Variants in DRC11 observed in about 807,000 individuals in gnomAD.
DRC11 encodes the protein IQ and AAA domain-containing protein 1.
chr2:236,433,483 G>A, the DRC11 span, among the ~76,000 whole-genome samples: 3 of 152,014 alleles, frequency 2.0e-5, no homozygotes, highest in African/African-American at 4.8e-5. Context: ...TTATTCCTGG[G>A]CATTTGACCT....
At chr2:236,312,357 AT>A in the DRC11 span, among the ~76,000 whole-genome samples, 11 of 151,902 alleles carry the variant, frequency 7.2e-5, no homozygotes, top group Admixed American at 1.3e-4. Context: ...TTAAAAAAAA[AT>A]ATTGTATTCT....
At chr2:236,416,743 A>ATATATTTT in the DRC11 span, among the ~76,000 whole-genome samples, 1 of 56,424 alleles carries the variant, frequency 1.8e-5, no homozygotes, top group Non-Finnish European at 3.7e-5. Context: ...ATATATATAT[A>ATATATTTT]TATATATATA....
the DRC11 span, among the ~76,000 whole-genome samples, chr2:236,498,728 G>A: frequency 3.3e-5 from 5 of 152,132 alleles, no homozygotes; most frequent in African/African-American, 2.4e-5. Flanking sequence ...ATCCTTTGCC[G>A]GTTTCCCGAG....
At chr2:236,364,370 G>A in the DRC11 span, among the ~76,000 whole-genome samples, 2,008 of 150,056 alleles carry the variant, frequency 0.013, 49 homozygotes, top group African/African-American at 0.047. Flanking sequence ...TTGGGAAGAG[G>A]AATGTGGAGA....
the DRC11 span, among the ~76,000 whole-genome samples, chr2:236,421,017 T>C: frequency 2.0e-5 from 3 of 152,218 alleles, no homozygotes; most frequent in Non-Finnish European, 4.4e-5. Flanking sequence ...GAGATTCTGG[T>C]ATGTTGTGTC....
the DRC11 span, among the ~76,000 whole-genome samples, chr2:236,435,148 A>G: frequency 6.6e-6 from 1 of 152,238 alleles, no homozygotes; most frequent in African/African-American, 2.4e-5. Context: ...GGAGGCTGAC[A>G]GCAGGGTCAG....
the DRC11 span, among the ~76,000 whole-genome samples, chr2:236,325,792 G>A: frequency 6.6e-6 from 1 of 151,974 alleles, no homozygotes; most frequent in Non-Finnish European, 1.5e-5. The surrounding 1 kb of genome is among the most constrained non-coding windows in gnomAD (Gnocchi z 4.4). Context: ...TAGTAGAGAC[G>A]GGGTTTCACC....
the DRC11 span, among the ~76,000 whole-genome samples, chr2:236,308,018 T>C: frequency 6.6e-6 from 1 of 152,202 alleles, no homozygotes; most frequent in Admixed American, 6.5e-5. This position sits in a 1 kb window ranked among gnomAD's most constrained non-coding sequence, Gnocchi z 6.0. Context: ...GGCGTCCTCG[T>C]GTGCTTGCAG....
chr2:236,327,117 C>T, the DRC11 span, among the ~76,000 whole-genome samples: 11 of 152,174 alleles, frequency 7.2e-5, no homozygotes, highest in African/African-American at 2.7e-4. Context: ...ATAAGATCCT[C>T]TAAACTCAAA....
the DRC11 span, among the ~76,000 whole-genome samples, chr2:236,458,633 C>G: frequency 2.6e-5 from 4 of 152,198 alleles, no homozygotes; most frequent in South Asian, 8.3e-4. Context: ...TGCCCAGGTG[C>G]TCCCAGCCAG....
chr2:236,497,128 A>G, the DRC11 span: 1 of 1,514,398 alleles, frequency 6.6e-7, no homozygotes, highest in African/African-American at 1.4e-5. The surrounding 1 kb of genome is among the most constrained non-coding windows in gnomAD (Gnocchi z 5.1). Flanking sequence ...TATAACAAAA[A>G]AAAGCAACTA....
the DRC11 span, among the ~76,000 whole-genome samples, chr2:236,493,125 C>G: frequency 6.6e-6 from 1 of 152,272 alleles, no homozygotes; most frequent in South Asian, 2.1e-4. Context: ...GTGAAAGGCA[C>G]ATCTCATATG....
At chr2:236,389,798 C>G in the DRC11 span, among the ~76,000 whole-genome samples, 30 of 152,094 alleles carry the variant, frequency 2.0e-4, no homozygotes, top group Non-Finnish European at 4.1e-4. Flanking sequence ...GTGAATTTTT[C>G]TGTATTCTTT....
the DRC11 span, among the ~76,000 whole-genome samples, chr2:236,311,554 G>C: frequency 6.6e-6 from 1 of 152,326 alleles, no homozygotes; most frequent in Non-Finnish European, 1.5e-5. The surrounding 1 kb of genome is among the most constrained non-coding windows in gnomAD (Gnocchi z 6.9). Context: ...GGATCCTGGA[G>C]GTCTGCTGGT....
the DRC11 span, among the ~76,000 whole-genome samples, chr2:236,393,128 T>C: frequency 6.6e-6 from 1 of 152,170 alleles, no homozygotes; most frequent in Non-Finnish European, 1.5e-5. This position sits in a 1 kb window ranked among gnomAD's most constrained non-coding sequence, Gnocchi z 4.7. Flanking sequence ...ACTTGTCATT[T>C]GGGGAAGGAG....
At chr2:236,326,787 ATTTGTTGTG>A in the DRC11 span, among the ~76,000 whole-genome samples, 1 of 142,856 alleles carries the variant, frequency 7.0e-6, no homozygotes, top group Non-Finnish European at 1.5e-5. Flanking sequence ...TGATTTTCAG[ATTTGTTGTG>A]TGTGTGTGTG....
chr2:236,490,901 A>T, the DRC11 span, among the ~76,000 whole-genome samples: 1 of 146,370 alleles, frequency 6.8e-6, no homozygotes, highest in Non-Finnish European at 1.5e-5. This position sits in a 1 kb window ranked among gnomAD's most constrained non-coding sequence, Gnocchi z 5.5. Context: ...AGAAGAATAT[A>T]TTGTGTGTGT....
the DRC11 span, among the ~76,000 whole-genome samples, chr2:236,437,041 C>G: frequency 6.6e-6 from 1 of 150,704 alleles, no homozygotes; most frequent in Admixed American, 6.6e-5. Flanking sequence ...GCTGCACCCA[C>G]TAACTCATCA....
chr2:236,337,672 A>C, the DRC11 span, among the ~76,000 whole-genome samples: 1 of 152,154 alleles, frequency 6.6e-6, no homozygotes, highest in Non-Finnish European at 1.5e-5. This position sits in a 1 kb window ranked among gnomAD's most constrained non-coding sequence, Gnocchi z 4.9. Context: ...TTTTTGTGTC[A>C]TTCCCATTAA....
Sources: gnomAD v4.1 joint callset for allele counts (sites outside exome capture counted in the v4.1 genomes callset) on GRCh38, gnomAD v4.1.1 for gene constraint, Gnocchi (gnomAD v3.1) non-coding constraint, MANE v1.5 for transcripts, NCBI Gene and HGNC (gene_info 2026-07-23, HGNC 2026-07-21) for gene names.